The following PDE10A variants were observed in gnomAD, a reference collection of about 807,000 sequenced individuals.
PDE10A encodes cAMP and cAMP-inhibited cGMP 3',5'-cyclic phosphodiesterase 10A.
A neutral mutation model predicts 97.7 loss-of-function variants in PDE10A; 39 were observed. The observed-to-expected ratio is 0.40, with a 90% CI of 0.31 to 0.52. The LOEUF is 0.52. Among genes scored for constraint, PDE10A ranks in the 20% least tolerant of loss-of-function variants. PDE10A has a pLI of 0.56. For missense variants in PDE10A, 731 were observed against 1,047.8 expected (o/e 0.70, Z 4.17); for synonymous variants, 371 against 376.8 (o/e 0.98, Z 0.18).
chr6:165,799,025 G>T (rs1446658063), intron 1 of PDE10A, among the ~76,000 whole-genome samples: 1 of 152,106 alleles, frequency 6.6e-6, no homozygotes, highest in Non-Finnish European at 1.5e-5. Context: ...AATACTAAGA[G>T]GTATTTAATA....
intron 1 of PDE10A, among the ~76,000 whole-genome samples, chr6:165,585,894 C>T (rs1264578693): frequency 6.6e-6 from 1 of 152,074 alleles, no homozygotes; most frequent in South Asian, 2.1e-4. Flanking sequence ...ATCCAACATC[C>T]CCCCCTTGCG....
At chr6:165,804,819 A>G (rs1177095965) in intron 1 of PDE10A, among the ~76,000 whole-genome samples, 2 of 151,288 alleles carry the variant, frequency 1.3e-5, no homozygotes, top group Non-Finnish European at 2.9e-5. Flanking sequence ...GGAGACTGAC[A>G]GGCGTGGGCG....
At chr6:165,730,667 C>A (rs774780999) in intron 1 of PDE10A, among the ~76,000 whole-genome samples, 10 of 150,326 alleles carry the variant, frequency 6.7e-5, no homozygotes, top group Non-Finnish European at 1.0e-4. Context: ...GCAGGGGAAT[C>A]GCTTGAACCT....
chr6:165,736,049 G>A (rs540856240), intron 1 of PDE10A, among the ~76,000 whole-genome samples: 2 of 152,104 alleles, frequency 1.3e-5, no homozygotes, highest in Non-Finnish European at 2.9e-5. Context: ...AGGAGTAATG[G>A]CAAAATAATG....
intron 1 of PDE10A, among the ~76,000 whole-genome samples, chr6:165,839,847 A>C (rs1379175337): frequency 2.5e-5 from 2 of 79,778 alleles, no homozygotes; most frequent in African/African-American, 5.0e-5. Context: ...CATTCTTATC[A>C]TCTCCATCCC....
intron 1 of PDE10A, among the ~76,000 whole-genome samples, chr6:165,823,934 A>G (rs1335664630): frequency 1.3e-5 from 2 of 152,200 alleles, no homozygotes; most frequent in Non-Finnish European, 2.9e-5. Context: ...AATATGTCCT[A>G]ATTCACAGAG....
intron 1 of PDE10A, among the ~76,000 whole-genome samples, chr6:165,765,737 T>A (rs1777828060): frequency 6.6e-6 from 1 of 152,186 alleles, no homozygotes; most frequent in Admixed American, 6.5e-5. Context: ...GCTCCCACAG[T>A]GCAGCGGTGG....
intron 6 of PDE10A, among the ~76,000 whole-genome samples, chr6:165,434,706 A>G (rs1243822324): frequency 1.3e-5 from 2 of 152,154 alleles, no homozygotes; most frequent in Non-Finnish European, 2.9e-5. Flanking sequence ...CCTTACTGGA[A>G]GCGGGTGAGA....
At chr6:165,489,531 A>C (rs1780105823) in intron 2 of PDE10A, among the ~76,000 whole-genome samples, 1 of 152,170 alleles carries the variant, frequency 6.6e-6, no homozygotes, top group African/African-American at 2.4e-5. Context: ...GTAATATGAC[A>C]AAACAAGGTT....
chr6:165,963,173 C>A (rs1374489941), intron 1 of PDE10A, among the ~76,000 whole-genome samples: 1 of 152,200 alleles, frequency 6.6e-6, no homozygotes, highest in African/African-American at 2.4e-5. Flanking sequence ...GATCCCCCCA[C>A]ACCCTAATAT....
chr6:165,659,328 T>C (rs1006291236), intron 1 of PDE10A, among the ~76,000 whole-genome samples: 2 of 152,310 alleles, frequency 1.3e-5, no homozygotes, highest in Admixed American at 6.5e-5. Flanking sequence ...TTGTATGCAT[T>C]TGGCCATTCT....
At chr6:165,479,824 G>C (rs1480974849) in intron 3 of PDE10A, among the ~76,000 whole-genome samples, 1 of 152,096 alleles carries the variant, frequency 6.6e-6, no homozygotes, top group Non-Finnish European at 1.5e-5. Context: ...AGAGAGGAAA[G>C]GAAAATAGAG....
chr6:165,721,731 T>C (rs1476894186), intron 1 of PDE10A, among the ~76,000 whole-genome samples: 1 of 152,260 alleles, frequency 6.6e-6, no homozygotes, highest in African/African-American at 2.4e-5. Context: ...TCTCCATTTG[T>C]AGATTCACTA....
intron 1 of PDE10A, among the ~76,000 whole-genome samples, chr6:165,754,032 G>C (rs1793062917): frequency 6.6e-6 from 1 of 152,132 alleles, no homozygotes; most frequent in Non-Finnish European, 1.5e-5. Flanking sequence ...AGTTTTCACA[G>C]GGCATGTGAT....
chr6:165,810,681 C>T (rs2128467235), intron 1 of PDE10A, among the ~76,000 whole-genome samples: 1 of 152,246 alleles, frequency 6.6e-6, no homozygotes, highest in South Asian at 2.1e-4. Context: ...TCTTCCCCTA[C>T]CTTCCTCTCC....
chr6:165,778,098 G>A (rs896437299), intron 1 of PDE10A, among the ~76,000 whole-genome samples: 8 of 151,286 alleles, frequency 5.3e-5, no homozygotes, highest in African/African-American at 4.9e-5. Context: ...TTTTTGAGAC[G>A]GAGTCTCACT....
Position 165,662,362 on chromosome 6 carries a change from C to CGCCGCT in PDE10A, c.444_449dup (p.Ala153_Ala154dup), listed in dbSNP as rs1468944802. On this transcript the variant is annotated inframe_insertion, in exon 1 of 22. Transcript: ENST00000539869. Reference sequence around the variant, plus strand: ...CGCCGCCTCCTCCCGCCGCCGCCGCCGCCGCTGCGCCCTCCCTTCCTGGGA... The same window carrying CGCCGCT: ...CGCCGCCTCCTCCCGCCGCCGCCGCCGCCGCTGCCGCTGCGCCCTCCCTTCCTGGGA... 2 of 162,984 alleles carry CGCCGCT rather than the reference C, an allele frequency of 1.2e-5. No individual in the cohort carries two copies. Among genetic ancestry groups the CGCCGCT allele is most frequent in the African/African-American group, 2.4e-5 (1 of 41,064 alleles). The allele number at this position is 162,984 out of a possible 1,614,324, so 10.1% of individuals were successfully genotyped here.
chr6:165,723,037 A>G (rs575244751), intron 1 of PDE10A, among the ~76,000 whole-genome samples: 11 of 152,198 alleles, frequency 7.2e-5, no homozygotes, highest in Non-Finnish European at 1.3e-4. Flanking sequence ...AAATGTGAAC[A>G]CACCATGCCA....
intron 3 of PDE10A, among the ~76,000 whole-genome samples, chr6:165,455,845 T>C (rs1167861767): frequency 1.3e-5 from 2 of 152,172 alleles, no homozygotes; most frequent in Non-Finnish European, 2.9e-5. Flanking sequence ...AATGTAATCT[T>C]AACAGCCAAA....
Sources: allele counts gnomAD v4.1 joint callset (sites outside exome capture counted in the v4.1 genomes callset), GRCh38; gene constraint gnomAD v4.1.1; transcripts MANE v1.5; gene names NCBI Gene and HGNC (gene_info 2026-07-23, HGNC 2026-07-21).